Variants in CRYL1 observed in about 807,000 individuals in gnomAD.
CRYL1 encodes the protein crystallin lambda 1, also known as lambda-crystallin homolog.
Under a neutral mutation model 36.6 loss-of-function variants are expected in CRYL1, and 29 were observed. The ratio of observed to expected loss-of-function variants is 0.79; its 90% CI spans 0.59 to 1.08. The LOEUF is 1.08. Ranked by LOEUF, CRYL1 falls within the 50% of genes least tolerant of loss-of-function variation. The pLI, the probability that CRYL1 is intolerant of heterozygous loss-of-function variation, is 0.00. For synonymous variants in CRYL1, 152 were observed against 151.5 expected (o/e 1.00, Z -0.02); for missense variants, 411 against 407.9 (o/e 1.01, Z -0.06).
intron 5 of CRYL1, among the ~76,000 whole-genome samples, chr13:20,423,374 A>T (rs1416997429): frequency 6.6e-6 from 1 of 152,190 alleles, no homozygotes; most frequent in Non-Finnish European, 1.5e-5. Flanking sequence ...TCAACTTTTC[A>T]CCATTGAGTA....
chr13:20,456,160 G>A (rs1178969622), intron 3 of CRYL1, among the ~76,000 whole-genome samples: 16 of 152,088 alleles, frequency 1.1e-4, no homozygotes, highest in Admixed American at 8.5e-4. Context: ...GAGGCCTTGG[G>A]TTAGGCAAAA....
chr13:20,466,060 C>T (rs1033138973), intron 3 of CRYL1, among the ~76,000 whole-genome samples: 1 of 152,132 alleles, frequency 6.6e-6, no homozygotes, highest in South Asian at 2.1e-4. Flanking sequence ...AAAGCCCTCA[C>T]CAGAAGCCGG....
intron 4 of CRYL1, among the ~76,000 whole-genome samples, chr13:20,439,003 C>T (rs2032292678): frequency 1.3e-5 from 2 of 152,148 alleles, no homozygotes; most frequent in Admixed American, 6.5e-5. Context: ...GGCAAACAAG[C>T]TTGCATAGTT....
intron 6 of CRYL1, among the ~76,000 whole-genome samples, chr13:20,406,377 A>G (rs2031378059): frequency 6.6e-6 from 1 of 152,232 alleles, no homozygotes; most frequent in African/African-American, 2.4e-5. Context: ...CTTCTCTCTC[A>G]GTGTGTTAAA....
chr13:20,451,948 T>C (rs2032579418), intron 3 of CRYL1, among the ~76,000 whole-genome samples: 1 of 151,766 alleles, frequency 6.6e-6, no homozygotes, highest in Non-Finnish European at 1.5e-5. Flanking sequence ...ACTACGCAGC[T>C]GTTGAAAAAA....
At chr13:20,429,858 T>C (rs2032016625) in intron 5 of CRYL1, among the ~76,000 whole-genome samples, 1 of 152,116 alleles carries the variant, frequency 6.6e-6, no homozygotes. Context: ...CCAATTAACA[T>C]GCCAAGCAAG....
At chr13:20,451,243 T>C (rs1019352334) in intron 3 of CRYL1, among the ~76,000 whole-genome samples, 1 of 152,076 alleles carries the variant, frequency 6.6e-6, no homozygotes, top group Non-Finnish European at 1.5e-5. Context: ...AAGGAATTTA[T>C]GACTAAGTCC....
intron 3 of CRYL1, among the ~76,000 whole-genome samples, chr13:20,452,627 G>C (rs1384440396): frequency 6.6e-6 from 1 of 152,098 alleles, no homozygotes; most frequent in Non-Finnish European, 1.5e-5. Flanking sequence ...TATATTGATG[G>C]ATACATGTCA....
chr13:20,436,873 C>A (rs2032229107), intron 4 of CRYL1, among the ~76,000 whole-genome samples: 2 of 152,056 alleles, frequency 1.3e-5, no homozygotes, highest in South Asian at 2.1e-4. Flanking sequence ...CAAGCAGGGA[C>A]TGGGGGCTGC....
chr13:20,406,292 GT>G (rs1747015339), intron 6 of CRYL1, among the ~76,000 whole-genome samples: 1 of 152,082 alleles, frequency 6.6e-6, no homozygotes, highest in African/African-American at 2.4e-5. Flanking sequence ...CATCTTTGGG[GT>G]TTAGTTTTGA....
intron 3 of CRYL1, among the ~76,000 whole-genome samples, chr13:20,477,772 G>A (rs2033193871): frequency 1.5e-5 from 2 of 132,586 alleles, no homozygotes; most frequent in African/African-American, 2.8e-5. Flanking sequence ...ATATATAATT[G>A]TATAATAGAT....
At position 20,465,612 on chromosome 13, in the gene CRYL1, G is replaced by A. The variant is rs143008367; in HGVS notation, c.276+23758C>T. 1.7e-3 allele frequency among the ~76,000 whole-genome samples: 266 copies of A among 152,218 alleles called. 1 individual carries two copies. Among genetic ancestry groups the A allele is most frequent in the Middle Eastern group, 6.8e-3 (2 of 294 alleles). ...GTAAGAGAAAACAGAGGCAGGCACC[G>A]GTCACCCTGCAGCTTGGCAGGCTCC... is the stretch of plus-strand genomic sequence containing the variant. On this transcript the variant is annotated intron_variant, in intron 3 of 7. Coordinates refer to ENST00000298248, the MANE Select transcript of CRYL1 (RefSeq NM_015974.3).
At chr13:20,515,263 T>G (rs1265923893) in intron 1 of CRYL1, among the ~76,000 whole-genome samples, 2 of 152,202 alleles carry the variant, frequency 1.3e-5, no homozygotes, top group Non-Finnish European at 2.9e-5. Flanking sequence ...ATTGTGGTGA[T>G]GGATGCACAA....
chr13:20,478,758 T>A (rs1030266753), intron 3 of CRYL1, among the ~76,000 whole-genome samples: 2 of 152,172 alleles, frequency 1.3e-5, no homozygotes, highest in East Asian at 3.9e-4. Flanking sequence ...ATCACAGGCA[T>A]GAGCCACCAC....
At chr13:20,503,366 T>C (rs938797544) in intron 2 of CRYL1, among the ~76,000 whole-genome samples, 3 of 151,338 alleles carry the variant, frequency 2.0e-5, no homozygotes, top group Admixed American at 2.0e-4. Flanking sequence ...CGGCTTGCAA[T>C]GAGTAGTGGG....
At chr13:20,420,701 T>TTTTTTTTTTTGTGTGTGTGTG in intron 5 of CRYL1, among the ~76,000 whole-genome samples, 4 of 21,840 alleles carry the variant, frequency 1.8e-4, no homozygotes, top group Non-Finnish European at 5.5e-4. Flanking sequence ...AAAATAGAGG[T>TTTTTTTTTTTGTGTGTGTGTG]TGTGTGTGTG....
rs386378385 is a variant in CRYL1 at position 20,522,911 on chromosome 13, CTTTTTTTTTTTTTT to C, written c.41+2829_41+2842del. ...TTTATCTTCATGATACCCATTTCTA[CTTTTTTTTTTTTTT>C]TTTTTTTTTTGAGATGGAGTCTCAC... On this transcript the variant is annotated intron_variant, in intron 1 of 7. Coordinates refer to ENST00000298248, the MANE Select transcript of CRYL1 (RefSeq NM_015974.3). Among the ~76,000 whole-genome samples, 22 of 82,960 alleles carry C rather than the reference CTTTTTTTTTTTTTT, an allele frequency of 2.7e-4. No individual in the cohort carries two copies. In the South Asian group the frequency reaches 0.01, roughly 39 times the overall value. The allele number at this position is 82,960 out of a possible 152,430, so 54.4% of individuals were successfully genotyped here. A position where few individuals can be genotyped will look rare whatever the true frequency, so the allele number is the denominator to read the frequency against.
intron 3 of CRYL1, among the ~76,000 whole-genome samples, chr13:20,451,425 G>A (rs1402364842): frequency 1.3e-5 from 2 of 151,928 alleles, no homozygotes; most frequent in African/African-American, 2.4e-5. Context: ...AATCTATAAG[G>A]AACTTAAACA....
At chr13:20,461,439 T>C (rs1197598979) in intron 3 of CRYL1, among the ~76,000 whole-genome samples, 1 of 152,252 alleles carries the variant, frequency 6.6e-6, no homozygotes, top group African/African-American at 2.4e-5. Flanking sequence ...AATCCATCTG[T>C]GTTTACTTTT....
Sources: gnomAD v4.1 joint callset for allele counts (sites outside exome capture counted in the v4.1 genomes callset) on GRCh38, gnomAD v4.1.1 for gene constraint, MANE v1.5 for transcripts, NCBI Gene and HGNC (gene_info 2026-07-23, HGNC 2026-07-21) for gene names.